The following AGPS variants were observed in gnomAD, a reference collection of about 807,000 sequenced individuals.
The protein encoded by AGPS is alkylglycerone phosphate synthase, also known as alkyldihydroxyacetonephosphate synthase, peroxisomal.
In AGPS, 26 loss-of-function variants were observed where a neutral mutation model predicts 90.7. The observed-to-expected ratio is 0.29, with a 90% CI of 0.21 to 0.40. AGPS has a LOEUF of 0.40. AGPS is among the 10% of genes least tolerant of loss of function. AGPS has a pLI of 1.00. For synonymous variants in AGPS, 294 were observed against 285.3 expected, an observed-to-expected ratio of 1.03 and a Z score of -0.31; for missense variants, 540 against 816.1, an observed-to-expected ratio of 0.66 and a Z score of 4.12.
intron 12 of AGPS, among the ~76,000 whole-genome samples, chr2:177,496,551 T>G (rs1481657768): frequency 6.6e-6 from 1 of 152,176 alleles, no homozygotes. Flanking sequence ...GATTGCTAGG[T>G]TGATCTCTAT....
intron 11 of AGPS, among the ~76,000 whole-genome samples, chr2:177,485,778 A>G (rs746741051): frequency 5.3e-5 from 8 of 152,050 alleles, no homozygotes; most frequent in Non-Finnish European, 8.8e-5. Flanking sequence ...TTAGCTGGGT[A>G]TGGAGGCATG....
chr2:177,513,975 G>A (rs1393918149), intron 17 of AGPS, 67 bp downstream of exon 17: 2 of 1,208,904 alleles, frequency 1.7e-6, no homozygotes, highest in East Asian at 2.4e-5. Flanking sequence ...TCAAGGGGGG[G>A]AATATAATTT....
chr2:177,493,438 T>G (rs1414453345), intron 12 of AGPS, among the ~76,000 whole-genome samples: 18 of 152,218 alleles, frequency 1.2e-4, no homozygotes, highest in Admixed American at 1.1e-3. Context: ...TTCTTCTTGA[T>G]TTTGCTTGAG....
chr2:177,425,524 G>A (rs1396458633), intron 2 of AGPS, among the ~76,000 whole-genome samples: 1 of 151,566 alleles, frequency 6.6e-6, no homozygotes, highest in East Asian at 1.9e-4. Flanking sequence ...ATGAGGCTGA[G>A]GCAGGAGACT....
chr2:177,534,470 C>T (rs952106611), intron 19 of AGPS, among the ~76,000 whole-genome samples: 1 of 151,956 alleles, frequency 6.6e-6, no homozygotes, highest in African/African-American at 2.4e-5. Flanking sequence ...CTTGTTTGAT[C>T]CAGTCTCTAT....
At chr2:177,439,670 A>G (rs1312015708) in intron 5 of AGPS, among the ~76,000 whole-genome samples, 3 of 152,182 alleles carry the variant, frequency 2.0e-5, no homozygotes, top group Non-Finnish European at 1.5e-5. Context: ...TTGCTTTCAT[A>G]AATGGATATT....
chr2:177,474,701 G>A (rs1280039496), intron 10 of AGPS, among the ~76,000 whole-genome samples: 1 of 152,124 alleles, frequency 6.6e-6, no homozygotes, highest in African/African-American at 2.4e-5. Flanking sequence ...AAAACAAATG[G>A]GAGCTTACTA....
In AGPS at chr2:177,538,664, A is replaced by T. The variant is rs3171913; in HGVS notation, c.*469A>T. Reference sequence around the variant, plus strand: ...GAGCATAGTCTAGTGTGAGTAGGCCATTAAGGGGAAGGATATTCATGAAAG... The same window carrying T: ...GAGCATAGTCTAGTGTGAGTAGGCCTTTAAGGGGAAGGATATTCATGAAAG... On this transcript the variant is annotated 3_prime_UTR_variant, in exon 20 of 20. Coordinates refer to ENST00000264167, the MANE Select transcript of AGPS (RefSeq NM_003659.4). The T allele has an allele frequency of 3.8e-4, 62 of 165,004 alleles. No individual in the cohort carries two copies. Among genetic ancestry groups the T allele is most frequent in the Non-Finnish European group, 5.8e-4 (44 of 75,414 alleles). 10.2% of individuals were successfully genotyped at this position (165,004 alleles called of 1,614,324 possible). A position where few individuals can be genotyped will look rare whatever the true frequency, so the allele number is the denominator to read the frequency against.
intron 9 of AGPS, among the ~76,000 whole-genome samples, 168 bp downstream of exon 9, chr2:177,462,186 C>T (rs1002766566): frequency 4.6e-5 from 7 of 151,638 alleles, no homozygotes; most frequent in African/African-American, 1.5e-4. Flanking sequence ...GTCAGGAGAT[C>T]GAGACCATCC....
chr2:177,432,014 G>A (rs745700376), intron 2 of AGPS, among the ~76,000 whole-genome samples: 3 of 152,196 alleles, frequency 2.0e-5, no homozygotes, highest in East Asian at 1.9e-4. Flanking sequence ...GGCTCCAGCC[G>A]GTCCCTCTGT....
intron 8 of AGPS, among the ~76,000 whole-genome samples, chr2:177,460,354 C>G (rs1486707923): frequency 6.6e-6 from 1 of 152,010 alleles, no homozygotes; most frequent in Non-Finnish European, 1.5e-5. Flanking sequence ...ATTTGGGGAA[C>G]CATCAGTTAA....
rs117243087 is a variant in AGPS at position 177,394,487 on chromosome 2, A to G, written c.260+1438A>G. ...TGCTGAGACTCAAGTGTAGTAGGAG[A>G]GGGTGAGAATGACAGGGGACGAAGA... On this transcript the variant is annotated intron_variant, in intron 1 of 19. Transcript: ENST00000264167. Among the ~76,000 whole-genome samples, 611 of 150,618 alleles carry G rather than the reference A, an allele frequency of 4.1e-3. 5 individuals are homozygous for G. The highest frequency in any genetic ancestry group is 0.036 in the East Asian group (167 of 4,698).
rs547943609 is a variant in AGPS at position 177,451,153 on chromosome 2, G to T, written c.870+5527G>T. 1.6e-4 allele frequency among the ~76,000 whole-genome samples: 25 copies of T among 151,768 alleles called. No homozygotes were observed. In the South Asian group the frequency reaches 5.0e-3, roughly 30 times the overall value. On this transcript the variant is annotated intron_variant, in intron 8 of 19. Transcript: ENST00000264167. ...ATTTTTTAATTTTTCTGGAGACAGG[G>T]TCTTGCCATATTGCTGAGACTGGTC... is the stretch of plus-strand genomic sequence containing the variant.
At chr2:177,512,421 A>G (rs1688901678) in intron 16 of AGPS, among the ~76,000 whole-genome samples, 1 of 152,208 alleles carries the variant, frequency 6.6e-6, no homozygotes, top group African/African-American at 2.4e-5. Context: ...TCATAAAGAT[A>G]AAAAATGTGA....
At chr2:177,442,575 T>A in intron 7 of AGPS, 89 bp downstream of exon 7, 3 of 1,072,290 alleles carry the variant, frequency 2.8e-6, no homozygotes, top group South Asian at 1.3e-5. Flanking sequence ...CACTGGGCGC[T>A]GTGGCTCACG....
rs121434412 is a variant in AGPS, at chr2:177,461,948, C to T, written c.926C>T (p.Thr309Ile). 6.2e-7 allele frequency: 1 copy of T among 1,612,580 alleles called. No homozygotes were observed. Among genetic ancestry groups the T allele is most frequent in the Non-Finnish European group, 8.5e-7 (1 of 1,179,210 alleles). ...GAACCAGATTCCCTGGAGTTCAGTA[C>T]TGTAGGAGGATGGGTATCTACTCGC... Reference protein sequence around the residue: ...GHEPDSLEFSTVGGWVSTRAS... With the variant: ...GHEPDSLEFSIVGGWVSTRAS... The change falls in exon 9 of 20, where the codon ACT (threonine) becomes ATT (isoleucine). Residue 309 changes from threonine to isoleucine, a missense_variant. Transcript: ENST00000264167.
intron 18 of AGPS, among the ~76,000 whole-genome samples, chr2:177,521,782 G>A (rs1689199787): frequency 6.6e-6 from 1 of 152,080 alleles, no homozygotes; most frequent in Admixed American, 6.5e-5. Context: ...TTTTTTATAT[G>A]CTATAGCTGT....
In AGPS at chr2:177,468,863, G is replaced by A. The variant is rs75899902; in HGVS notation, c.1105+339G>A. On this transcript the variant is annotated intron_variant, in intron 10 of 19. Coordinates refer to ENST00000264167, the MANE Select transcript of AGPS (RefSeq NM_003659.4). ...ATTCTTAAATCTTGTCAGAATTATC[G>A]GAGGAAAGGATTGATAAAGCATTAT... 7.0e-3 allele frequency among the ~76,000 whole-genome samples: 1,063 copies of A among 151,994 alleles called. 11 individuals carry two copies. The highest frequency in any genetic ancestry group is 0.024 in the African/African-American group (977 of 41,512).
At chr2:177,458,820 A>G (rs1687198472) in intron 8 of AGPS, among the ~76,000 whole-genome samples, 2 of 152,218 alleles carry the variant, frequency 1.3e-5, no homozygotes, top group Admixed American at 1.3e-4. Flanking sequence ...ATTGGAAAAA[A>G]CTACTTTAAA....
Sources: gnomAD v4.1 joint callset for allele counts (sites outside exome capture counted in the v4.1 genomes callset) on GRCh38, gnomAD v4.1.1 for gene constraint, MANE v1.5 for transcripts, NCBI Gene and HGNC (gene_info 2026-07-23, HGNC 2026-07-21) for gene names.